PRDM8: variants seen among roughly 807,000 people sequenced by gnomAD.
PRDM8 encodes the protein PR/SET domain 8, also known as PR domain zinc finger protein 8.
Under a neutral mutation model 46.5 loss-of-function variants are expected in PRDM8, and 13 were observed. That is an observed-to-expected ratio of 0.28 (90% CI 0.18 to 0.44). The LOEUF is 0.44. Ranked by LOEUF, PRDM8 falls within the 20% of genes least tolerant of loss-of-function variation. The pLI is 1.00. For missense variants in PRDM8, 998 were observed against 955.0 expected (o/e 1.04, Z -0.59); for synonymous variants, 473 against 438.4 (o/e 1.08, Z -0.98).
chr4:80,191,224 C>T (rs1380361393), intron 1 of PRDM8, among the ~76,000 whole-genome samples: 1 of 152,200 alleles, frequency 6.6e-6, no homozygotes, highest in Non-Finnish European at 1.5e-5. Flanking sequence ...CCTTCTTAAA[C>T]ACACACCCAT....
At chr4:80,196,326 C>T (rs1578253072), upstream of PRDM8, 1 of 985,306 alleles carries the variant, frequency 1.0e-6, no homozygotes, top group Admixed American at 6.1e-5. Flanking sequence ...ACTGTCTATA[C>T]CACTCAAAGG....
intron 1 of PRDM8, among the ~76,000 whole-genome samples, chr4:80,198,182 T>C (rs570964626): frequency 2.0e-5 from 3 of 152,338 alleles, no homozygotes; most frequent in South Asian, 4.1e-4. Context: ...GTTATTGTGA[T>C]GGGCTTGAGG....
At chr4:80,198,159 C>CTCTT (rs923312562) in intron 1 of PRDM8, among the ~76,000 whole-genome samples, 3 of 152,352 alleles carry the variant, frequency 2.0e-5, no homozygotes, top group Non-Finnish European at 4.4e-5. Context: ...CGCTCCTAGG[C>CTCTT]TCTTGCCCAG....
At chr4:80,198,118 T>G (rs1452607501) in intron 1 of PRDM8, among the ~76,000 whole-genome samples, 1 of 152,200 alleles carries the variant, frequency 6.6e-6, no homozygotes, top group Non-Finnish European at 1.5e-5. Context: ...TGTGAAACGT[T>G]GCGTGGCAAA....
At chr4:80,199,520 A>C (rs1738257183) in intron 1 of PRDM8, among the ~76,000 whole-genome samples, 1 of 152,054 alleles carries the variant, frequency 6.6e-6, no homozygotes, top group African/African-American at 2.4e-5. Flanking sequence ...TCCATTCGCC[A>C]TGCTCCGCTG....
chr4:80,186,432 A>AGAGAGAGAAGGCAAGGTG (rs1737088211), intron 1 of PRDM8, among the ~76,000 whole-genome samples: 2 of 125,926 alleles, frequency 1.6e-5, no homozygotes, highest in African/African-American at 8.0e-5. Flanking sequence ...GGCAGGGTGG[A>AGAGAGAGAAGGCAAGGTG]GAGAGAGAGA....
At chr4:80,196,934 C>T, upstream of PRDM8, 1 of 985,462 alleles carries the variant, frequency 1.0e-6, no homozygotes, top group Non-Finnish European at 1.2e-6. Context: ...CAAGTTCTCA[C>T]CAAAGCGCAT....
chr4:80,193,596 G>T (rs1578248500), upstream of PRDM8, among the ~76,000 whole-genome samples: 1 of 152,190 alleles, frequency 6.6e-6, no homozygotes, highest in African/African-American at 2.4e-5. Flanking sequence ...AGTCAGTAAA[G>T]TTTATCCCTT....
chr4:80,203,245 G>T lies in PRDM8; in HGVS notation c.1783G>T (p.Ala595Ser). 6.4e-7 allele frequency: 1 copy of T among 1,556,296 alleles called. No individual in the cohort carries two copies. Among genetic ancestry groups the T allele is most frequent in the Non-Finnish European group, 8.7e-7 (1 of 1,153,330 alleles). Residue 595 changes from alanine (A) to serine (S), a missense_variant, in exon 4 of 4, where the codon GCG (alanine) becomes TCG (serine). Ala to Ser is a moderately conservative substitution (Grantham distance 99). Coordinates refer to ENST00000415738, the MANE Select transcript of PRDM8 (RefSeq NM_001099403.2). ...CGCTGCCGCTGCAGCCGCGGCTGCG[G>T]CGGCGGCCGCGGGGCCCTTGCAGCT... ...SSAAAAAAAA[A>S]AAAGPLQLQL...
In PRDM8 at chr4:80,187,015, G is replaced by A. The variant is rs186900311; in HGVS notation, c.-983+1497G>A. On this transcript the variant is annotated intron_variant, in intron 1 of 9. Transcript: ENST00000339711. ...ATGGAAAAGGACTTTATCATGCTTCGTTGGGCAGAGGAACAAGGGATGAGA... is the reference window on the plus strand; with the variant it reads ...ATGGAAAAGGACTTTATCATGCTTCATTGGGCAGAGGAACAAGGGATGAGA... 5.9e-5 allele frequency among the ~76,000 whole-genome samples: 9 copies of A among 152,248 alleles called. No homozygotes were observed. The East Asian group carries it at 9.6e-4, about 16-fold the overall frequency.
Position 80,202,228 on chromosome 4 carries a change from A to T in PRDM8, c.766A>T (p.Lys256Ter). 1 of 1,610,970 alleles carries T rather than the reference A, an allele frequency of 6.2e-7. No homozygotes were observed. The change falls in exon 4 of 4, where the codon AAG becomes TAG. Residue 256 changes from lysine (K) to a stop codon, truncating the protein, a stop_gained. Transcript: ENST00000415738. LOFTEE classifies it high-confidence loss of function. ...PSAAAGGSSA[K>*]PSTDFHNLAR... is the part of the protein sequence containing the mutation. ...CGCTGCCGCCGGCGGCAGCAGCGCGAAGCCATCCACAGACTTCCACAACCT... is the reference window on the plus strand; with the variant it reads ...CGCTGCCGCCGGCGGCAGCAGCGCGTAGCCATCCACAGACTTCCACAACCT...
chr4:80,196,416 G>T, upstream of PRDM8: 2 of 985,446 alleles, frequency 2.0e-6, no homozygotes, highest in Non-Finnish European at 2.4e-6. Flanking sequence ...TTGCAGCCCC[G>T]TTGAAGGAGT....
At position 80,201,860 on chromosome 4, in the gene PRDM8, G is replaced by A. The variant is rs770118482; in HGVS notation, c.452-54G>A. 1,126 of 869,692 alleles carry A rather than the reference G, an allele frequency of 1.3e-3. 2 individuals carry two copies. Among genetic ancestry groups the A allele is most frequent in the South Asian group, 3.6e-3 (179 of 50,058 alleles). The allele number at this position is 869,692 out of a possible 1,614,324, so 53.9% of individuals were successfully genotyped here. A position where few individuals can be genotyped will look rare whatever the true frequency, so the allele number is the denominator to read the frequency against. On this transcript the variant is annotated intron_variant, in intron 3 of 3. Coordinates refer to ENST00000415738, the MANE Select transcript of PRDM8 (RefSeq NM_001099403.2). ...GATGCTGAGTAATCATGTGGTGTGC[G>A]TGTGTGTGTGTGTGTGCGTGCGTGC...
chr4:80,196,520 G>T (rs1737972325), upstream of PRDM8: 1 of 985,438 alleles, frequency 1.0e-6, no homozygotes, highest in Non-Finnish European at 1.2e-6. Flanking sequence ...GCGCACAAAC[G>T]AGGCTCCCGA....
Position 80,202,031 on chromosome 4 carries a change from A to T in PRDM8, c.569A>T (p.Gln190Leu). 6.2e-7 allele frequency: 1 copy of T among 1,614,100 alleles called. No individual in the cohort carries two copies. The highest frequency in any genetic ancestry group is 8.5e-7 in the Non-Finnish European group (1 of 1,180,022). The change falls in exon 4 of 4, where the codon CAA (glutamine) becomes CTA (leucine). Residue 190 changes from glutamine (Q) to leucine (L), a missense_variant. Gln to Leu is a moderately radical substitution (Grantham distance 113). Coordinates refer to ENST00000415738, the MANE Select transcript of PRDM8 (RefSeq NM_001099403.2). Reference sequence around the variant, plus strand: ...CTTCACAGCGCTGATATAAGTCCCCAAGACGAACAAGGCGGCGGCGTGGGC... The same window carrying T: ...CTTCACAGCGCTGATATAAGTCCCCTAGACGAACAAGGCGGCGGCGTGGGC... The part of the protein sequence containing the change: ...KRLHSADISP[Q>L]DEQGGGVGTK...
upstream of PRDM8, chr4:80,195,928 C>CACACACACACACACAG (rs373592223): frequency 7.1e-5 from 10 of 139,976 alleles, no homozygotes; most frequent in African/African-American, 3.1e-4. Context: ...CACACACACA[C>CACACACACACACACAG]AGAGAGAGAG....
chr4:80,189,015 G>A (rs1737339608), intron 1 of PRDM8, among the ~76,000 whole-genome samples: 1 of 152,206 alleles, frequency 6.6e-6, no homozygotes, highest in African/African-American at 2.4e-5. Flanking sequence ...CCGGGACTTG[G>A]GTGTGTAGGG....
upstream of PRDM8, chr4:80,197,411 A>C: frequency 1.0e-6 from 1 of 982,678 alleles, no homozygotes; most frequent in Non-Finnish European, 1.2e-6. Context: ...CGCCTGGCCC[A>C]GCAAAGAGTT....
chr4:80,187,301 T>C (rs1312302581), intron 1 of PRDM8, among the ~76,000 whole-genome samples: 3 of 149,600 alleles, frequency 2.0e-5, no homozygotes, highest in Non-Finnish European at 4.4e-5. Flanking sequence ...CCACGTTTTC[T>C]TGAATGTCCT....
Sources: allele counts gnomAD v4.1 joint callset (sites outside exome capture counted in the v4.1 genomes callset), GRCh38; gene constraint gnomAD v4.1.1; transcripts MANE v1.5; gene names NCBI Gene and HGNC (gene_info 2026-07-23, HGNC 2026-07-21).